Variants in HIVEP3 observed in about 807,000 individuals in gnomAD.
The protein encoded by HIVEP3 is transcription factor HIVEP3.
HIVEP3 carries 49 observed loss-of-function variants against 152.8 expected under a neutral mutation model. The ratio of observed to expected loss-of-function variants is 0.32; its 90% confidence interval spans 0.26 to 0.41. The LOEUF (loss-of-function observed/expected upper bound fraction) is 0.41. HIVEP3 is among the 10% of genes least tolerant of loss of function. The pLI, the probability that HIVEP3 is intolerant of heterozygous loss-of-function variation, is 1.00. For synonymous variants in HIVEP3, 1,269 were observed against 1,289.0 expected, an observed-to-expected ratio of 0.98 and a Z score of 0.33; for missense variants, 2,790 against 3,103.3, an observed-to-expected ratio of 0.90 and a Z score of 2.40.
At chr1:41,666,628 A>G (rs1029690758) in intron 2 of HIVEP3, among the ~76,000 whole-genome samples, 3 of 152,204 alleles carry the variant, frequency 2.0e-5, no homozygotes, top group South Asian at 2.1e-4. Context: ...GTGGGCATCA[A>G]TCTTCTCAAG....
At chr1:41,640,285 C>T (rs1238986301) in intron 2 of HIVEP3, among the ~76,000 whole-genome samples, 5 of 15,462 alleles carry the variant, frequency 3.2e-4, no homozygotes, top group Non-Finnish European at 5.5e-4. Context: ...GGTTGGGGGG[C>T]GGGGGAAGGT....
chr1:41,713,192 C>T (rs1345456600), intron 1 of HIVEP3, among the ~76,000 whole-genome samples: 1 of 152,176 alleles, frequency 6.6e-6, no homozygotes, highest in Non-Finnish European at 1.5e-5. Context: ...AGTGTCCTCC[C>T]ACCCCCGATC....
At chr1:41,711,887 G>C (rs186154283) in intron 1 of HIVEP3, among the ~76,000 whole-genome samples, 102 of 152,352 alleles carry the variant, frequency 6.7e-4, no homozygotes, top group African/African-American at 2.3e-3. Context: ...TCATAAAAGG[G>C]AAGGCAGGCT....
At chr1:41,686,057 GTTTGTTTTGTTTTGT>G (rs776149209) in intron 2 of HIVEP3, among the ~76,000 whole-genome samples, 2 of 150,478 alleles carry the variant, frequency 1.3e-5, no homozygotes, top group Non-Finnish European at 3.0e-5. Flanking sequence ...TTGTTTGTTT[GTTTGTTTTGTTTTGT>G]TTTGTTTTGT....
At chr1:41,613,138 C>G (rs1456685041) in intron 3 of HIVEP3, among the ~76,000 whole-genome samples, 1 of 152,268 alleles carries the variant, frequency 6.6e-6, no homozygotes, top group Non-Finnish European at 1.5e-5. Context: ...GGGACACTCC[C>G]TCCATTCCCA....
At chr1:41,943,002 C>A (rs1645055414) in intron 1 of HIVEP3, among the ~76,000 whole-genome samples, 1 of 152,104 alleles carries the variant, frequency 6.6e-6, no homozygotes, top group Admixed American at 6.6e-5. Flanking sequence ...CGGGTTCACA[C>A]CATTCTCCTG....
chr1:41,780,820 T>C (rs946342298), intron 1 of HIVEP3, among the ~76,000 whole-genome samples: 1 of 152,138 alleles, frequency 6.6e-6, no homozygotes, highest in African/African-American at 2.4e-5. Context: ...AAGCCAGGCA[T>C]GGAAGGTAGT....
Position 41,579,937 on chromosome 1 carries a change from C to A in HIVEP3, c.4861G>T (p.Asp1621Tyr). Residue 1621 changes from aspartate (D) to tyrosine (Y), a missense_variant, in exon 4 of 9, where the codon GAT becomes TAT. Coordinates refer to ENST00000372583, the MANE Select transcript of HIVEP3 (RefSeq NM_024503.5). ...YIKPNHIQHA[D>Y]RRSSVYAGWC... ...CCAGCGTAAACAGAGGACCTCCTAT[C>A]TGCATGCTGGATGTGATTTGGCTTA... The A allele has an allele frequency of 6.2e-7, 1 of 1,614,260 alleles. No homozygotes were observed. The highest frequency in any genetic ancestry group is 1.1e-5 in the South Asian group (1 of 91,084).
chr1:42,007,318 C>G (rs915780335), intron 1 of HIVEP3, among the ~76,000 whole-genome samples: 5 of 152,226 alleles, frequency 3.3e-5, no homozygotes, highest in Admixed American at 2.6e-4. Flanking sequence ...AGCATTTTGA[C>G]ATCTTGAGTG....
intron 5 of HIVEP3, among the ~76,000 whole-genome samples, chr1:41,532,575 A>G (rs600109): frequency 0.37 from 56,934 of 152,006 alleles, 11,899 homozygotes; most frequent in Non-Finnish European, 0.48. Flanking sequence ...ATCCAGGCCC[A>G]GGCTCATGTT....
intron 3 of HIVEP3, among the ~76,000 whole-genome samples, chr1:41,620,725 G>A (rs190320242): frequency 8.5e-5 from 13 of 152,176 alleles, no homozygotes; most frequent in Admixed American, 5.9e-4. Flanking sequence ...TCAGGCTTGC[G>A]ACACTAGTGC....
intron 1 of HIVEP3, among the ~76,000 whole-genome samples, chr1:41,710,620 C>G (rs10890163): frequency 0.17 from 26,037 of 152,118 alleles, 6,533 homozygotes; most frequent in African/African-American, 0.55. Flanking sequence ...CACAATGAGG[C>G]GCATCTAAAG....
chr1:41,670,629 C>T (rs1287987508), intron 2 of HIVEP3, among the ~76,000 whole-genome samples: 1 of 152,108 alleles, frequency 6.6e-6, no homozygotes, highest in Non-Finnish European at 1.5e-5. Context: ...TGGACTATGG[C>T]AACAAGGCAG....
intron 5 of HIVEP3, among the ~76,000 whole-genome samples, chr1:41,570,686 C>T (rs1443330590): frequency 6.6e-6 from 1 of 152,100 alleles, no homozygotes; most frequent in East Asian, 1.9e-4. Flanking sequence ...CATGGACGAG[C>T]GAAGGATTGA....
intron 1 of HIVEP3, among the ~76,000 whole-genome samples, chr1:41,897,292 G>A (rs1644545013): frequency 6.6e-6 from 1 of 152,168 alleles, no homozygotes; most frequent in Non-Finnish European, 1.5e-5. Context: ...CTGGGGCACG[G>A]TAGAGGATGA....
intron 1 of HIVEP3, among the ~76,000 whole-genome samples, chr1:42,006,601 T>C (rs929059215): frequency 1.3e-5 from 2 of 148,522 alleles, no homozygotes. Flanking sequence ...AAAAGAGTGG[T>C]GCTGTTTCAC....
intron 1 of HIVEP3, among the ~76,000 whole-genome samples, chr1:41,815,077 C>T (rs1430251411): frequency 2.0e-5 from 3 of 152,090 alleles, no homozygotes; most frequent in African/African-American, 7.2e-5. Context: ...GAAAGTAAAA[C>T]AGGATGGCCT....
rs80021278 is a variant in HIVEP3 at position 41,927,220 on chromosome 1, G to T, written n.120-8696C>A. Among the ~76,000 whole-genome samples, 214 of 152,302 alleles carry T rather than the reference G, an allele frequency of 1.4e-3. 7 individuals carry two copies. The East Asian group carries it at 0.038, about 27-fold the overall frequency. On this transcript the variant is annotated intron_variant and non_coding_transcript_variant, in intron 1 of 3. Coordinates refer to the HIVEP3 transcript ENST00000489103. ...CTGATCTGGTGAGATCCTCCTTTGG[G>T]TACCCATTTGACATCTCCCAATTGG...
chr1:41,648,654 A>C (rs1249498054), intron 2 of HIVEP3, among the ~76,000 whole-genome samples: 2 of 152,252 alleles, frequency 1.3e-5, no homozygotes, highest in African/African-American at 4.8e-5. Flanking sequence ...GTTTTCAAAA[A>C]GTTGGGAGGA....
Sources: allele counts gnomAD v4.1 joint callset (sites outside exome capture counted in the v4.1 genomes callset), GRCh38; gene constraint gnomAD v4.1.1; transcripts MANE v1.5; gene names NCBI Gene and HGNC (gene_info 2026-07-23, HGNC 2026-07-21).